PCNX2: variants seen among roughly 807,000 people sequenced by gnomAD.
PCNX2 encodes pecanex 2.
In PCNX2, 168 loss-of-function variants were observed where a neutral mutation model predicts 223.8. That is an observed-to-expected ratio of 0.75 (90% confidence interval 0.66 to 0.85). The LOEUF (loss-of-function observed/expected upper bound fraction) is 0.85. Ranked by LOEUF, PCNX2 falls within the 40% of genes least tolerant of loss-of-function variation. The pLI, the probability that PCNX2 is intolerant of heterozygous loss-of-function variation, is 0.00. For synonymous variants in PCNX2, 1,006 were observed against 1,052.6 expected (o/e 0.96, Z 0.86); for missense variants, 2,507 against 2,675.5 (o/e 0.94, Z 1.39).
At chr1:232,988,356 T>C (rs1270110337) in intron 32 of PCNX2, among the ~76,000 whole-genome samples, 1 of 151,982 alleles carries the variant, frequency 6.6e-6, no homozygotes, top group Non-Finnish European at 1.5e-5. Context: ...TGGCCTGCTG[T>C]AGTCTGTGCA....
Position 233,181,456 on chromosome 1 carries a change from G to A in PCNX2, c.3067-2281C>T, listed in dbSNP as rs368151271. ...CAGGTGATCTGCCTGCCTCGGCCTCGCAAAGTGCTGGGATTAAAGGGTGAG... is the reference window on the plus strand; with the variant it reads ...CAGGTGATCTGCCTGCCTCGGCCTCACAAAGTGCTGGGATTAAAGGGTGAG... On this transcript the variant is annotated intron_variant, in intron 15 of 33. Transcript: ENST00000258229. Among the ~76,000 whole-genome samples the A allele has an allele frequency of 5.3e-5, 8 of 151,986 alleles. No homozygotes were observed. In the East Asian group the frequency reaches 1.4e-3, roughly 26 times the overall value.
chr1:233,238,942 C>T (rs1005095442), intron 8 of PCNX2, among the ~76,000 whole-genome samples: 3 of 152,060 alleles, frequency 2.0e-5, no homozygotes, highest in East Asian at 1.9e-4. Context: ...TAATCTCTGT[C>T]GTTAACAGAG....
chr1:233,155,389 G>A (rs1286586885), intron 19 of PCNX2, among the ~76,000 whole-genome samples: 2 of 152,176 alleles, frequency 1.3e-5, no homozygotes, highest in Non-Finnish European at 2.9e-5. Flanking sequence ...TGGATGACAG[G>A]AACTACATCT....
At chr1:233,019,049 C>T in intron 26 of PCNX2, 1 of 985,402 alleles carries the variant, frequency 1.0e-6, no homozygotes, top group African/African-American at 1.7e-5. Context: ...AAACCCAGAG[C>T]TCAAGGCCTC....
At chr1:233,309,815 T>C in the PCNX2 span, among the ~76,000 whole-genome samples, 1 of 151,324 alleles carries the variant, frequency 6.6e-6, no homozygotes, top group Non-Finnish European at 1.5e-5. Flanking sequence ...GAGGCGGTTG[T>C]TGCAGTGAGC....
intron 25 of PCNX2, among the ~76,000 whole-genome samples, chr1:233,048,535 G>T (rs1671895754): frequency 2.0e-5 from 3 of 152,304 alleles, no homozygotes; most frequent in Admixed American, 2.0e-4. Flanking sequence ...AAAGTTCATA[G>T]TGCTAAATGC....
At chr1:233,235,949 TA>T (rs776690895) in intron 9 of PCNX2, among the ~76,000 whole-genome samples, 1 of 104,664 alleles carries the variant, frequency 9.6e-6, no homozygotes, top group Non-Finnish European at 1.9e-5. Context: ...AAAGCAATCA[TA>T]AAAAAAAATA....
In PCNX2 at chr1:233,244,297, G is replaced by T. The variant is rs185584776; in HGVS notation, c.2222+6442C>A. ...CAGATAAGTCCGAGACAAAACTTGT[G>T]TTCACATAGCTAGATACTAAACCTC... On this transcript the variant is annotated intron_variant, in intron 8 of 33. Transcript: ENST00000258229. Among the ~76,000 whole-genome samples the T allele has an allele frequency of 3.9e-5, 6 of 152,286 alleles. No individual in the cohort carries two copies. In the East Asian group the frequency reaches 1.2e-3, roughly 29 times the overall value.
intron 15 of PCNX2, 147 bp from the exon 16 acceptor site, chr1:233,179,322 T>A: frequency 1.2e-6 from 1 of 819,090 alleles, no homozygotes; most frequent in Non-Finnish European, 1.9e-6. Context: ...TATAAGCATC[T>A]GGTGGGCACA....
intron 23 of PCNX2, among the ~76,000 whole-genome samples, chr1:233,063,277 G>A (rs10910654): frequency 0.32 from 47,979 of 151,794 alleles, 10,244 homozygotes; most frequent in African/African-American, 0.61. Flanking sequence ...TGTAATTATT[G>A]AACAAATAGA....
rs532503788 is a variant in PCNX2, at chr1:233,129,024, G to A, written c.3837+5989C>T. On this transcript the variant is annotated intron_variant, in intron 21 of 33. Transcript: ENST00000258229. ...CGGCCTTGGCGTCTGCTCTGGCCAT[G>A]CTTGGGGAGCCCTTCAGCCCGCCAC... is the stretch of plus-strand genomic sequence containing the variant. Among the ~76,000 whole-genome samples the A allele has an allele frequency of 5.3e-5, 8 of 152,360 alleles. No individual in the cohort carries two copies. The South Asian group carries it at 1.2e-3, about 24-fold the overall frequency.
chr1:233,324,910 C>T, the PCNX2 span, among the ~76,000 whole-genome samples: 1 of 151,954 alleles, frequency 6.6e-6, no homozygotes, highest in Non-Finnish European at 1.5e-5. Context: ...TATTTTAAGC[C>T]CACTGTTAAG....
chr1:233,062,575 G>A (rs1468570076), intron 23 of PCNX2, among the ~76,000 whole-genome samples: 1 of 152,098 alleles, frequency 6.6e-6, no homozygotes, highest in Non-Finnish European at 1.5e-5. Context: ...ATACATCTGT[G>A]TTCAATATTA....
intron 28 of PCNX2, among the ~76,000 whole-genome samples, chr1:233,008,497 T>C (rs1295553074): frequency 6.6e-6 from 1 of 152,164 alleles, no homozygotes; most frequent in Non-Finnish European, 1.5e-5. Flanking sequence ...CTGCCAGGCA[T>C]ATTTAGAGGC....
At chr1:233,025,065 T>C (rs1180074672) in intron 26 of PCNX2, 81 bp downstream of exon 26, 1 of 1,546,618 alleles carries the variant, frequency 6.5e-7, no homozygotes, top group African/African-American at 1.4e-5. Context: ...CTTCAAAATT[T>C]AGCTTTCGAC....
Position 233,196,678 on chromosome 1 carries a change from G to T in PCNX2, c.3066+2261C>A, listed in dbSNP as rs140021351. On this transcript the variant is annotated intron_variant, in intron 15 of 33. Transcript: ENST00000258229. ...TCAGATACTGGTTCACACGAGAATG[G>T]ATTTAAGAAAAACCTGACAGTACTA... Among the ~76,000 whole-genome samples the T allele has an allele frequency of 8.6e-3, 1,316 of 152,222 alleles. 21 individuals carry two copies. Among genetic ancestry groups the T allele is most frequent in the African/African-American group, 0.03 (1,254 of 41,550 alleles).
chr1:233,192,607 A>G (rs1024547816), intron 15 of PCNX2, among the ~76,000 whole-genome samples: 5 of 152,148 alleles, frequency 3.3e-5, no homozygotes, highest in African/African-American at 9.7e-5. Context: ...TCTAAAGCAC[A>G]TTTACATCAA....
chr1:233,027,320 G>C lies in PCNX2; in HGVS notation c.4352-1921C>G, dbSNP rs531075697. ...CATGAGCGTGAATTCAAGAAATAAC[G>C]GGAGGGGAAAAAGCAGAGACGGTGA... On this transcript the variant is annotated intron_variant, in intron 25 of 33. Transcript: ENST00000258229. Among the ~76,000 whole-genome samples the C allele has an allele frequency of 7.9e-4, 121 of 152,224 alleles. 1 individual carries two copies. Among genetic ancestry groups the C allele is most frequent in the Non-Finnish European group, 3.2e-4 (22 of 68,008 alleles).
intron 21 of PCNX2, among the ~76,000 whole-genome samples, chr1:233,101,002 G>A (rs1359364744): frequency 6.6e-6 from 1 of 152,174 alleles, no homozygotes; most frequent in Non-Finnish European, 1.5e-5. Flanking sequence ...GCAGAAACTG[G>A]CTGCTGAGTT....
Sources: allele counts gnomAD v4.1 joint callset (sites outside exome capture counted in the v4.1 genomes callset), GRCh38; gene constraint gnomAD v4.1.1; transcripts MANE v1.5; gene names NCBI Gene and HGNC (gene_info 2026-07-23, HGNC 2026-07-21).